The following AGBL1 variants were observed in gnomAD, a reference collection of about 807,000 sequenced individuals.
AGBL1 encodes cytosolic carboxypeptidase 4.
In AGBL1, 130 loss-of-function variants were observed where a neutral mutation model predicts 118.9. The ratio of observed to expected loss-of-function variants is 1.09; its 90% CI spans 0.95 to 1.26. The LOEUF is 1.26. AGBL1 is among the 50% of genes most tolerant of loss of function. AGBL1 has a pLI of 0.00. For synonymous variants in AGBL1, 555 were observed against 478.9 expected, an observed-to-expected ratio of 1.16 and a Z score of -2.08; for missense variants, 1,584 against 1,298.1, an observed-to-expected ratio of 1.22 and a Z score of -3.38.
intron 22 of AGBL1, among the ~76,000 whole-genome samples, chr15:86,801,866 G>C (rs967115351): frequency 1.4e-4 from 21 of 152,212 alleles, no homozygotes; most frequent in African/African-American, 5.1e-4. Context: ...GAGAGCTGCA[G>C]AGGAACCTGG....
intron 23 of AGBL1, among the ~76,000 whole-genome samples, chr15:86,984,983 A>T (rs1016418438): frequency 6.6e-6 from 1 of 152,184 alleles, no homozygotes; most frequent in Non-Finnish European, 1.5e-5. Context: ...TTATAAATTG[A>T]AACATTCAGT....
rs1036688146 is a variant in AGBL1, at chr15:86,817,493, G to C, written c.3159-89594G>C. Among the ~76,000 whole-genome samples the C allele has an allele frequency of 5.5e-4, 48 of 87,846 alleles. 1 individual carries two copies. The highest frequency in any genetic ancestry group is 1.1e-3 in the African/African-American group (25 of 22,322). The allele number at this position is 87,846 out of a possible 152,430, so 57.6% of individuals were successfully genotyped here. A position where few individuals can be genotyped will look rare whatever the true frequency, so the allele number is the denominator to read the frequency against. On this transcript the variant is annotated intron_variant, in intron 22 of 22. Coordinates refer to ENST00000614907, the MANE Select transcript of AGBL1 (RefSeq NM_001386094.1). Reference sequence around the variant, plus strand: ...ACACACACACACACACACACACACAGAGGAGAGAGAGAGAGAAAGAGACAG... The same window carrying C: ...ACACACACACACACACACACACACACAGGAGAGAGAGAGAGAAAGAGACAG...
At chr15:86,917,533 C>T (rs1267764904), downstream of AGBL1, among the ~76,000 whole-genome samples, 4 of 152,316 alleles carry the variant, frequency 2.6e-5, no homozygotes, top group South Asian at 2.1e-4. The surrounding 1 kb of genome is among the most constrained non-coding windows in gnomAD (Gnocchi z 4.8). Context: ...AGGAGACAGA[C>T]AGCAGTGACC....
chr15:86,960,703 C>T (rs906257576), intron 23 of AGBL1, among the ~76,000 whole-genome samples: 1 of 151,812 alleles, frequency 6.6e-6, no homozygotes, highest in Non-Finnish European at 1.5e-5. Flanking sequence ...TCAAAATAGC[C>T]AAGATATGAA....
intron 7 of AGBL1, among the ~76,000 whole-genome samples, chr15:86,253,282 G>A (rs554663786): frequency 3.2e-4 from 48 of 152,068 alleles, no homozygotes; most frequent in Middle Eastern, 6.8e-3. Flanking sequence ...ATGGAGTCTC[G>A]CTCTGTCACC....
rs907349983 is a variant in AGBL1 at position 86,480,235 on chromosome 15, G to A, written c.2556-42575G>A. Among the ~76,000 whole-genome samples, 3 of 152,034 alleles carry A rather than the reference G, an allele frequency of 2.0e-5. No individual in the cohort carries two copies. The East Asian group carries it at 5.8e-4, about 29-fold the overall frequency. On this transcript the variant is annotated intron_variant, in intron 18 of 22. Coordinates refer to ENST00000614907, the MANE Select transcript of AGBL1 (RefSeq NM_001386094.1). ...GGACTTAAAGTATAATAATAAAAAA[G>A]AGTAACTATGTGAAGTGATGAATAT...
chr15:86,807,139 T>C (rs2078726095), intron 22 of AGBL1, among the ~76,000 whole-genome samples: 1 of 152,194 alleles, frequency 6.6e-6, no homozygotes, highest in African/African-American at 2.4e-5. Context: ...TAGGGGTGGG[T>C]AAAGATCTAA....
chr15:86,751,350 A>C (rs8036215), intron 22 of AGBL1, among the ~76,000 whole-genome samples: 149,890 of 152,184 alleles, frequency 0.98, 73,830 homozygotes, highest in East Asian at 1. Context: ...AACTAAACCC[A>C]TTTCTTACAG....
At chr15:86,117,965 G>A (rs1435746392) in intron 1 of AGBL1, among the ~76,000 whole-genome samples, 4 of 152,168 alleles carry the variant, frequency 2.6e-5, no homozygotes, top group Non-Finnish European at 4.4e-5. Context: ...CTTGCTCTGC[G>A]GATCTTAGTT....
chr15:86,511,831 T>A (rs2083055840), intron 18 of AGBL1, among the ~76,000 whole-genome samples: 1 of 152,002 alleles, frequency 6.6e-6, no homozygotes, highest in Admixed American at 6.6e-5. Context: ...GGCTCATTTA[T>A]TTTTCCCGTG....
chr15:86,578,856 T>A (rs138380047), intron 21 of AGBL1, among the ~76,000 whole-genome samples: 234 of 152,308 alleles, frequency 1.5e-3, no homozygotes, highest in East Asian at 0.011. Context: ...ACAAACCTCT[T>A]TCTTTTGAAA....
chr15:86,612,632 A>G (rs1337177132), intron 21 of AGBL1, among the ~76,000 whole-genome samples: 1 of 152,198 alleles, frequency 6.6e-6, no homozygotes, highest in Non-Finnish European at 1.5e-5. Flanking sequence ...AAATGAAAGT[A>G]TTTTACACCC....
intron 23 of AGBL1, among the ~76,000 whole-genome samples, chr15:86,929,731 G>A (rs1238191973): frequency 2.0e-5 from 3 of 152,216 alleles, no homozygotes; most frequent in South Asian, 2.1e-4. Context: ...GAGAGCCAGC[G>A]TGTTTCAGCT....
At chr15:86,391,640 GTTTT>G (rs751427467) in intron 17 of AGBL1, among the ~76,000 whole-genome samples, 2 of 73,782 alleles carry the variant, frequency 2.7e-5, no homozygotes, top group Admixed American at 2.2e-4. Flanking sequence ...GTTGTTGTTG[GTTTT>G]TTTTTTTTTT....
At chr15:86,523,646 A>G (rs58921423) in intron 19 of AGBL1, among the ~76,000 whole-genome samples, 3,766 of 152,246 alleles carry the variant, frequency 0.025, 87 homozygotes, top group Middle Eastern at 0.082. Context: ...AAGAAAATGT[A>G]TATACCTATT....
At chr15:86,810,863 T>C (rs904710631) in intron 22 of AGBL1, among the ~76,000 whole-genome samples, 25 of 152,170 alleles carry the variant, frequency 1.6e-4, no homozygotes, top group African/African-American at 5.8e-4. Flanking sequence ...TGGAGCAAGA[T>C]TCAGGCCACA....
chr15:87,016,923 G>A (rs963845711), intron 24 of AGBL1, among the ~76,000 whole-genome samples: 2 of 152,168 alleles, frequency 1.3e-5, no homozygotes, highest in Non-Finnish European at 2.9e-5. Context: ...AGCCACTGGG[G>A]CACACACAGA....
intron 20 of AGBL1, 77 bp downstream of exon 20, chr15:86,546,210 T>A: frequency 7.5e-7 from 1 of 1,330,694 alleles, no homozygotes; most frequent in Non-Finnish European, 9.9e-7. Context: ...CATGCCCCAC[T>A]CATTTATTTA....
intron 21 of AGBL1, among the ~76,000 whole-genome samples, chr15:86,602,701 T>C (rs909887074): frequency 4.6e-5 from 7 of 152,104 alleles, no homozygotes; most frequent in South Asian, 2.1e-4. Context: ...ATAAACAAGA[T>C]GGGAAATTAT....
Sources: allele counts gnomAD v4.1 joint callset (sites outside exome capture counted in the v4.1 genomes callset), GRCh38; gene constraint gnomAD v4.1.1; non-coding constraint Gnocchi (gnomAD v3.1); transcripts MANE v1.5; gene names NCBI Gene and HGNC (gene_info 2026-07-23, HGNC 2026-07-21).